NSMAF: variants seen among roughly 807,000 people sequenced by gnomAD.
NSMAF encodes the protein protein FAN.
Under a neutral mutation model 134.9 loss-of-function variants are expected in NSMAF, and 90 were observed. The observed-to-expected ratio is 0.67, with a 90% CI of 0.56 to 0.79. NSMAF has a LOEUF of 0.79. NSMAF is among the 30% of genes least tolerant of loss of function. The probability of loss-of-function intolerance (pLI) is 0.00; values close to 1 mark genes in which losing one functional copy is unlikely to be tolerated. For missense variants in NSMAF, 1,010 were observed against 1,119.0 expected, an observed-to-expected ratio of 0.90 and a Z score of 1.39; for synonymous variants, 358 against 389.6, an observed-to-expected ratio of 0.92 and a Z score of 0.96.
chr8:58,603,491 G>T, intron 12 of NSMAF, 105 bp from the exon 13 acceptor site: 1 of 1,054,236 alleles, frequency 9.5e-7, no homozygotes, highest in Non-Finnish European at 1.4e-6. Context: ...CTTGAAAAAT[G>T]CATTGTAAGA....
In NSMAF at chr8:58,618,728, C is replaced by T. The variant is rs949549400; in HGVS notation, c.557+4492G>A. 2.6e-5 allele frequency among the ~76,000 whole-genome samples: 4 copies of T among 152,084 alleles called. No individual in the cohort carries two copies. In the South Asian group the frequency reaches 6.2e-4, roughly 24 times the overall value. ...AGGGGATCTGCCTTCATTGTATTAG[C>T]GTTTCAACTTGTGACAGTTTAAAAT... is the stretch of plus-strand genomic sequence containing the variant. On this transcript the variant is annotated intron_variant, in intron 9 of 30. Coordinates refer to ENST00000038176, the MANE Select transcript of NSMAF (RefSeq NM_003580.4).
chr8:58,595,699 T>A, intron 21 of NSMAF, 40 bp from the exon 22 acceptor site: 1 of 1,210,470 alleles, frequency 8.3e-7, no homozygotes, highest in Non-Finnish European at 1.2e-6. Context: ...GTCAACTAAG[T>A]TACCAACAGA....
At chr8:58,609,863 G>T in intron 9 of NSMAF, 130 bp from the exon 10 acceptor site, 4 of 811,634 alleles carry the variant, frequency 4.9e-6, no homozygotes, top group Non-Finnish European at 7.4e-6. Context: ...TAAGAAAAAT[G>T]GTAATATAAA....
At chr8:58,659,296 G>C in intron 1 of NSMAF, 2 of 1,524,830 alleles carry the variant, frequency 1.3e-6, no homozygotes, top group Non-Finnish European at 8.8e-7. Context: ...TGCACTGCCG[G>C]ATAGCTCGGC....
At position 58,638,839 on chromosome 8, in the gene NSMAF, C is replaced by T. The variant is rs74675746; in HGVS notation, c.150-3293G>A. Among the ~76,000 whole-genome samples the T allele has an allele frequency of 5.7e-3, 872 of 152,202 alleles. 8 individuals carry two copies. Among genetic ancestry groups the T allele is most frequent in the Non-Finnish European group, 6.3e-3 (428 of 68,006 alleles). ...ATTAACAAAGTCAAAAGACAACCTA[C>T]GGAATGGGAGAAAATAGTTGAAAAC... On this transcript the variant is annotated intron_variant, in intron 2 of 30. Coordinates refer to ENST00000038176, the MANE Select transcript of NSMAF (RefSeq NM_003580.4).
At position 58,589,836 on chromosome 8, in the gene NSMAF, C is replaced by T. The variant is rs1047601487; in HGVS notation, c.2087+171G>A. The T allele has an allele frequency of 1.7e-5, 10 of 602,296 alleles. No homozygotes were observed. In the African/African-American group the frequency reaches 1.9e-4, roughly 12 times the overall value. 37.3% of individuals were successfully genotyped at this position (602,296 alleles called of 1,614,324 possible). On this transcript the variant is annotated intron_variant, in intron 25 of 30. Coordinates refer to ENST00000038176, the MANE Select transcript of NSMAF (RefSeq NM_003580.4). ...ACTCCAATTGGAGAAATTATTCAAT[C>T]TAAGCAATCATATTCAAATCCAACC...
Position 58,586,623 on chromosome 8 carries a change from A to T in NSMAF, c.2296-15T>A. 6.3e-7 allele frequency: 1 copy of T among 1,595,858 alleles called. No homozygotes were observed. The highest frequency in any genetic ancestry group is 8.6e-7 in the Non-Finnish European group (1 of 1,168,186). ...ATTGTATCTACCTAAGGAAGAAAACACATTGATACATATTCCATTAGATTT... is the reference window on the plus strand; with the variant it reads ...ATTGTATCTACCTAAGGAAGAAAACTCATTGATACATATTCCATTAGATTT... On this transcript the variant is annotated splice_polypyrimidine_tract_variant and intron_variant, in intron 27 of 30. Transcript: ENST00000038176.
rs752009221 is a variant in NSMAF at position 58,585,952 on chromosome 8, A to G, written c.2495T>C (p.Ile832Thr). The G allele has an allele frequency of 5.6e-6, 9 of 1,614,102 alleles. No individual in the cohort carries two copies. The Admixed American group carries it at 8.3e-5, about 15-fold the overall frequency. The change falls in exon 29 of 31, where the codon ATT (isoleucine) becomes ACT (threonine). Residue 832 changes from isoleucine to threonine, a missense_variant. Transcript: ENST00000038176. ...STGTDGCLNV[I>T]DVQTGMLISS... The stretch of plus-strand genomic sequence containing the variant: ...GATGAGCATTCCTGTCTGCACATCA[A>G]TGACATTAAGACAGCCATCTGTTCC...
rs542987372 is a variant in NSMAF at position 58,633,199 on chromosome 8, G to T, written c.334-1653C>A. ...TGGCCCACAAGGCCCCGCATGACAC[G>T]GTCCCTGCCCCTATTCCAGCCTCCC... On this transcript the variant is annotated intron_variant, in intron 5 of 30. Coordinates refer to ENST00000038176, the MANE Select transcript of NSMAF (RefSeq NM_003580.4). Among the ~76,000 whole-genome samples the T allele has an allele frequency of 3.0e-4, 46 of 152,280 alleles. No individual in the cohort carries two copies. In the South Asian group the frequency reaches 9.1e-3, roughly 30 times the overall value.
chr8:58,585,603 G>GTTCAT, intron 30 of NSMAF, 49 bp downstream of exon 30: 3 of 1,347,254 alleles, frequency 2.2e-6, no homozygotes, highest in Non-Finnish European at 3.2e-6. Context: ...GCAGGCTTGA[G>GTTCAT]TTCATTATCT....
At chr8:58,638,626 T>C (rs548752712) in intron 2 of NSMAF, among the ~76,000 whole-genome samples, 1 of 152,226 alleles carries the variant, frequency 6.6e-6, no homozygotes, top group African/African-American at 2.4e-5. Flanking sequence ...AAAAATCTAC[T>C]TGAAATGAAC....
intron 1 of NSMAF, among the ~76,000 whole-genome samples, chr8:58,646,064 T>C (rs2129147835): frequency 6.6e-6 from 1 of 152,038 alleles, no homozygotes; most frequent in Admixed American, 6.5e-5. Flanking sequence ...ATCATCATCA[T>C]CATCATCTGA....
Position 58,585,958 on chromosome 8 carries a change from T to C in NSMAF, c.2489A>G (p.Asn830Ser), listed in dbSNP as rs1805875647. 1 of 1,614,096 alleles carries C rather than the reference T, an allele frequency of 6.2e-7. No homozygotes were observed. Among genetic ancestry groups the C allele is most frequent in the Non-Finnish European group, 8.5e-7 (1 of 1,180,010 alleles). Residue 830 changes from asparagine to serine, a missense_variant, in exon 29 of 31, where the codon AAT (asparagine) becomes AGT (serine). Physicochemically the swap from Asn to Ser is conservative, Grantham distance 46 (BLOSUM62 1). Transcript: ENST00000038176. The stretch of plus-strand genomic sequence containing the variant: ...CATTCCTGTCTGCACATCAATGACA[T>C]TAAGACAGCCATCTGTTCCTGTGCT... ...VLSTGTDGCLNVIDVQTGMLI... is the reference protein window; with the variant it reads ...VLSTGTDGCLSVIDVQTGMLI...
At chr8:58,592,794 G>A (rs945440762) in intron 23 of NSMAF, among the ~76,000 whole-genome samples, 9 of 152,030 alleles carry the variant, frequency 5.9e-5, no homozygotes, top group African/African-American at 2.2e-4. Flanking sequence ...GGCTGAGGCG[G>A]GAGAATCGCT....
At chr8:58,605,316 G>A (rs921661055) in intron 12 of NSMAF, among the ~76,000 whole-genome samples, 2 of 152,140 alleles carry the variant, frequency 1.3e-5, no homozygotes, top group Non-Finnish European at 2.9e-5. Context: ...TTGTGGTTCT[G>A]ACCACAATCA....
chr8:58,644,328 C>G (rs192720259), intron 1 of NSMAF, among the ~76,000 whole-genome samples: 36 of 152,136 alleles, frequency 2.4e-4, no homozygotes, highest in Non-Finnish European at 4.9e-4. Flanking sequence ...ATGAACAAAT[C>G]TGTGAGAAAT....
intron 1 of NSMAF, among the ~76,000 whole-genome samples, chr8:58,644,809 T>G (rs1012463487): frequency 2.0e-5 from 3 of 152,198 alleles, no homozygotes; most frequent in Admixed American, 2.0e-4. Context: ...ATTCATGTCC[T>G]TTGCAGCGAC....
intron 12 of NSMAF, 118 bp from the exon 13 acceptor site, chr8:58,603,504 A>T: frequency 1.2e-6 from 1 of 868,252 alleles, no homozygotes; most frequent in Non-Finnish European, 1.8e-6. Context: ...TTGTAAGAAA[A>T]AGAAAAGTAG....
At chr8:58,625,394 ATATG>A (rs1554576320) in intron 6 of NSMAF, among the ~76,000 whole-genome samples, 2,771 of 151,636 alleles carry the variant, frequency 0.018, 99 homozygotes, top group African/African-American at 0.063. Context: ...ATGTATATGC[ATATG>A]TATGTATGTA....
Sources: gnomAD v4.1 joint callset for allele counts (sites outside exome capture counted in the v4.1 genomes callset) on GRCh38, gnomAD v4.1.1 for gene constraint, MANE v1.5 for transcripts, NCBI Gene and HGNC (gene_info 2026-07-23, HGNC 2026-07-21) for gene names.